Variants in HTR2C observed in about 807,000 individuals in gnomAD.
HTR2C encodes 5-hydroxytryptamine receptor 2C.
A neutral mutation model predicts 21.0 loss-of-function variants in HTR2C; 5 were observed. The ratio of observed to expected loss-of-function variants is 0.24; its 90% CI spans 0.12 to 0.50. HTR2C has a LOEUF of 0.50. Ranked by LOEUF, HTR2C falls within the 20% of genes least tolerant of loss-of-function variation. HTR2C has a pLI of 0.98. For synonymous variants in HTR2C, 150 were observed against 145.3 expected (o/e 1.03, Z -0.23); for missense variants, 271 against 371.2 (o/e 0.73, Z 2.22).
intron 4 of HTR2C, among the ~76,000 whole-genome samples, chrX:114,829,052 G>T (rs1474614075): frequency 9.0e-6 from 1 of 111,602 alleles, no homozygotes; most frequent in Non-Finnish European, 1.9e-5. Flanking sequence ...TCAAATACTT[G>T]CTTGAGTATC....
intron 3 of HTR2C, among the ~76,000 whole-genome samples, chrX:114,728,416 T>C (rs782470153): frequency 1.8e-5 from 2 of 111,067 alleles, no homozygotes; most frequent in African/African-American, 3.3e-5. Context: ...TATTAAAAAT[T>C]AGATTTAATT....
chrX:114,741,524 T>TAAGAAAAAAAAAAAAA (rs2069646249), intron 4 of HTR2C, among the ~76,000 whole-genome samples: 1 of 4,901 alleles, frequency 2.0e-4, no homozygotes, highest in Non-Finnish European at 5.2e-4. Context: ...CGACTCCGTC[T>TAAGAAAAAAAAAAAAA]AAAAAAAAAA....
chrX:114,790,872 C>T (rs1011906792), intron 4 of HTR2C, among the ~76,000 whole-genome samples: 7 of 111,374 alleles, frequency 6.3e-5, no homozygotes, highest in African/African-American at 1.3e-4. Context: ...CTATTCTTTA[C>T]GCTCAAGATT....
intron 4 of HTR2C, among the ~76,000 whole-genome samples, chrX:114,742,205 A>G (rs1038348413): frequency 3.6e-5 from 4 of 111,730 alleles, no homozygotes; most frequent in Non-Finnish European, 7.5e-5. Context: ...ATGAAAGGGA[A>G]CCCCATAGAG....
chrX:114,701,544 C>T (rs1209531034), intron 2 of HTR2C, among the ~76,000 whole-genome samples: 8 of 111,170 alleles, frequency 7.2e-5, no homozygotes, highest in Non-Finnish European at 1.5e-4. Flanking sequence ...AGGACATCCA[C>T]ACCAAAAACC....
At chrX:114,735,129 T>G (rs1433713236) in intron 4 of HTR2C, among the ~76,000 whole-genome samples, 1 of 110,218 alleles carries the variant, frequency 9.1e-6, no homozygotes, top group Non-Finnish European at 1.9e-5. Context: ...ACCGGATTTC[T>G]TTAGTAGAGA....
chrX:114,807,002 TATATATCAC>T (rs2070464062), intron 4 of HTR2C, among the ~76,000 whole-genome samples: 2 of 80,026 alleles, frequency 2.5e-5, no homozygotes, highest in Admixed American at 3.1e-4. Flanking sequence ...ATATATACCA[TATATATCAC>T]ATATATACCA....
chrX:114,835,945 G>T (rs1354667811), intron 4 of HTR2C, among the ~76,000 whole-genome samples: 2 of 108,562 alleles, frequency 1.8e-5, no homozygotes, highest in African/African-American at 6.7e-5. Context: ...TCAGCTGCAG[G>T]TCTGTTGGAA....
intron 4 of HTR2C, among the ~76,000 whole-genome samples, chrX:114,805,706 T>TACCATATATATAC (rs2070405209): frequency 3.4e-4 from 2 of 5,874 alleles, no homozygotes; most frequent in Admixed American, 4.7e-3. Flanking sequence ...ACCATATATA[T>TACCATATATATAC]ACCATATATA....
At chrX:114,889,537 C>CATTTT (rs2147526167) in intron 5 of HTR2C, among the ~76,000 whole-genome samples, 1 of 112,200 alleles carries the variant, frequency 8.9e-6, no homozygotes, top group South Asian at 3.7e-4. Context: ...CCCTTCTGGA[C>CATTTT]ATTTTATTTC....
chrX:114,855,557 A>G (rs1340024006), intron 5 of HTR2C, among the ~76,000 whole-genome samples: 1 of 110,180 alleles, frequency 9.1e-6, no homozygotes, highest in African/African-American at 3.3e-5. Flanking sequence ...AGCAAATAGC[A>G]TCTATTTTTT....
chrX:114,705,339 G>A (rs1327236825), intron 2 of HTR2C, among the ~76,000 whole-genome samples: 1 of 111,243 alleles, frequency 9.0e-6, no homozygotes, highest in East Asian at 2.8e-4. Flanking sequence ...AAAACAACAT[G>A]GTACTGGCAC....
chrX:114,857,087 C>T (rs1332351020), intron 5 of HTR2C, among the ~76,000 whole-genome samples: 1 of 110,873 alleles, frequency 9.0e-6, no homozygotes, highest in Non-Finnish European at 1.9e-5. Flanking sequence ...GTTCATAATT[C>T]TCCGATTCTT....
At chrX:114,801,704 T>C (rs782141173) in intron 4 of HTR2C, among the ~76,000 whole-genome samples, 1 of 111,118 alleles carries the variant, frequency 9.0e-6, no homozygotes, top group African/African-American at 3.3e-5. Context: ...GGTAGATGTG[T>C]TCGTTTATGG....
intron 2 of HTR2C, among the ~76,000 whole-genome samples, chrX:114,633,790 CATATATGTGTGAATGTACACATAT>C (rs1255006832): frequency 2.7e-4 from 30 of 109,397 alleles, no homozygotes; most frequent in African/African-American, 9.3e-4. Context: ...TATATATACA[CATATATGTGTGAATGTACACATAT>C]ATATGTGTGT....
chrX:114,705,645 T>C (rs1556417889), intron 2 of HTR2C, among the ~76,000 whole-genome samples: 1 of 95,901 alleles, frequency 1.0e-5, no homozygotes, highest in Non-Finnish European at 2.1e-5. Context: ...CACATAGGCA[T>C]GGGCAAGGAC....
chrX:114,806,349 A>ACACACCATATATATACCGTATATATG (rs1556449592), intron 4 of HTR2C, among the ~76,000 whole-genome samples: 2 of 95,172 alleles, frequency 2.1e-5, no homozygotes, highest in African/African-American at 7.7e-5. Context: ...CCATATATAT[A>ACACACCATATATATACCGTATATATG]CACACCATAT....
At chrX:114,824,828 C>T (rs5988138) in intron 4 of HTR2C, among the ~76,000 whole-genome samples, 1 of 111,505 alleles carries the variant, frequency 9.0e-6, no homozygotes, top group Non-Finnish European at 1.9e-5. Context: ...AGCACAGACT[C>T]TCCATTGGAA....
intron 3 of HTR2C, among the ~76,000 whole-genome samples, chrX:114,730,852 G>T (rs1342478552): frequency 9.0e-6 from 1 of 111,290 alleles, no homozygotes; most frequent in Non-Finnish European, 1.9e-5. Context: ...GTTTCAGATC[G>T]CAGTAAAAGT....
Sources: allele counts gnomAD v4.1 joint callset (sites outside exome capture counted in the v4.1 genomes callset), GRCh38; gene constraint gnomAD v4.1.1; transcripts MANE v1.5; gene names NCBI Gene and HGNC (gene_info 2026-07-23, HGNC 2026-07-21).